CC2D2A: variants seen among roughly 807,000 people sequenced by gnomAD.
CC2D2A encodes the protein coiled-coil and C2 domain-containing protein 2A.
In CC2D2A, 155 loss-of-function variants were observed where a neutral mutation model predicts 212.9. That is an observed-to-expected ratio of 0.73 (90% CI 0.64 to 0.83). CC2D2A has a LOEUF of 0.83. CC2D2A is among the 40% of genes least tolerant of loss of function. CC2D2A has a pLI of 0.00. For missense variants in CC2D2A, 1,856 were observed against 1,956.2 expected, an observed-to-expected ratio of 0.95 and a Z score of 0.97; for synonymous variants, 667 against 686.5, an observed-to-expected ratio of 0.97 and a Z score of 0.44.
In CC2D2A at chr4:15,556,332, C is replaced by T. The variant is rs550059009; in HGVS notation, c.2626-972C>T. 3.5e-4 allele frequency among the ~76,000 whole-genome samples: 53 copies of T among 152,230 alleles called. 1 individual carries two copies. The South Asian group carries it at 0.011, about 32-fold the overall frequency. On this transcript the variant is annotated intron_variant, in intron 20 of 36. Transcript: ENST00000424120. ...TTTTGGTTCTAGTTTTTCCAAGTCC[C>T]ATAACAAACCTTGGTTTATTCTGAC...
At chr4:15,480,352 A>G (rs1861048) in intron 3 of CC2D2A, among the ~76,000 whole-genome samples, 78,875 of 152,046 alleles carry the variant, frequency 0.52, 21,171 homozygotes, top group African/African-American at 0.66. Flanking sequence ...ATTACCCAGT[A>G]ACACTTTAGC....
chr4:15,486,823 C>G (rs994167181), intron 4 of CC2D2A, among the ~76,000 whole-genome samples: 13 of 151,852 alleles, frequency 8.6e-5, no homozygotes, highest in African/African-American at 3.1e-4. Context: ...TTTTGCTATA[C>G]CCTATAGGTT....
chr4:15,490,829 G>A (rs1348344449), intron 4 of CC2D2A, among the ~76,000 whole-genome samples: 3 of 151,946 alleles, frequency 2.0e-5, no homozygotes, highest in East Asian at 1.9e-4. Context: ...TGACCTAATT[G>A]GTTATTTTCA....
Position 15,515,991 on chromosome 4 carries a change from T to A in CC2D2A, c.1004T>A (p.Leu335Gln). ...CAGAACATCATGGAGAACAGATTGC[T>A]GATGCAGGACCCCGTAAGTGTGCAC... ...TNQNIMENRL[L>Q]MQDPERRWFG... The change falls in exon 10 of 37, where the codon CTG becomes CAG. Residue 335 changes from leucine (L) to glutamine (Q), a missense_variant. This residue lies in a region of CC2D2A where 1,512 missense variants were observed against 1,579.3 expected (regional missense o/e 0.96). Coordinates refer to ENST00000424120, the MANE Select transcript of CC2D2A (RefSeq NM_001378615.1). 1 of 1,592,448 alleles carries A rather than the reference T, an allele frequency of 6.3e-7. No individual in the cohort carries two copies. The highest frequency in any genetic ancestry group is 1.2e-5 in the South Asian group (1 of 86,856).
intron 16 of CC2D2A, among the ~76,000 whole-genome samples, chr4:15,540,320 C>T (rs1718360757): frequency 6.6e-6 from 1 of 151,436 alleles, no homozygotes; most frequent in African/African-American, 2.4e-5. Flanking sequence ...TTCAAATTAT[C>T]TTTAAAAATA....
chr4:15,536,043 A>T (rs1718111929), intron 14 of CC2D2A, among the ~76,000 whole-genome samples: 1 of 152,180 alleles, frequency 6.6e-6, no homozygotes, highest in Non-Finnish European at 1.5e-5. Flanking sequence ...CTGGTGGTAC[A>T]TCTCACAGAA....
intron 4 of CC2D2A, among the ~76,000 whole-genome samples, chr4:15,490,695 T>C (rs1178804387): frequency 6.6e-6 from 1 of 152,088 alleles, no homozygotes; most frequent in African/African-American, 2.4e-5. Flanking sequence ...CTACCCCTCA[T>C]ATTGTCTTAT....
rs1284172272 is a variant in CC2D2A, at chr4:15,542,563, A to AGCCACATACTCAC, written c.2181+1549_2181+1550insGCCACATACTCAC. On this transcript the variant is annotated intron_variant, in intron 17 of 36. Coordinates refer to ENST00000424120, the MANE Select transcript of CC2D2A (RefSeq NM_001378615.1). ...ACAGTACTTCAGGTAGCCACTACCT[A>AGCCACATACTCAC]TTCCTAGTGAGTATGACTGACAAAG... is the stretch of plus-strand genomic sequence containing the variant. Among the ~76,000 whole-genome samples, 30 of 152,354 alleles carry AGCCACATACTCAC rather than the reference A, an allele frequency of 2.0e-4. No individual in the cohort carries two copies. The South Asian group carries it at 6.0e-3, about 31-fold the overall frequency.
intron 1 of CC2D2A, 42 bp from the exon 2 acceptor site, chr4:15,475,873 A>G: frequency 6.9e-7 from 1 of 1,440,336 alleles, no homozygotes; most frequent in Non-Finnish European, 9.6e-7. Flanking sequence ...GCAATATTTC[A>G]TTGATTTCAA....
At chr4:15,537,878 A>G (rs752986316) in intron 15 of CC2D2A, 21 bp from the exon 16 acceptor site, 2 of 1,571,958 alleles carry the variant, frequency 1.3e-6, no homozygotes, top group Admixed American at 3.8e-5. Flanking sequence ...GTTTGATATC[A>G]TGTTGCCTCT....
At chr4:15,490,798 T>C (rs1049272960) in intron 4 of CC2D2A, among the ~76,000 whole-genome samples, 55 of 152,188 alleles carry the variant, frequency 3.6e-4, no homozygotes, top group African/African-American at 1.3e-3. Flanking sequence ...ACCCTGGGCC[T>C]GGTAGTTAAA....
chr4:15,552,691 T>C (rs1719068301), intron 18 of CC2D2A, among the ~76,000 whole-genome samples: 1 of 152,246 alleles, frequency 6.6e-6, no homozygotes, highest in South Asian at 2.1e-4. Flanking sequence ...TCTCAGTTTT[T>C]AGAACAGGGA....
At chr4:15,502,216 C>T (rs1023112781) in intron 4 of CC2D2A, among the ~76,000 whole-genome samples, 11 of 152,202 alleles carry the variant, frequency 7.2e-5, no homozygotes, top group African/African-American at 2.7e-4. Context: ...AAAGCCAAGA[C>T]ATGTACTTAC....
At chr4:15,531,080 C>T (rs991152211) in intron 13 of CC2D2A, among the ~76,000 whole-genome samples, 6 of 152,188 alleles carry the variant, frequency 3.9e-5, no homozygotes, top group African/African-American at 7.2e-5. Flanking sequence ...CATCCAGCTA[C>T]TACTTTATCT....
At chr4:15,527,251 C>T (rs1291568433) in intron 11 of CC2D2A, among the ~76,000 whole-genome samples, 196 bp from the exon 12 acceptor site, 2 of 152,182 alleles carry the variant, frequency 1.3e-5, no homozygotes, top group African/African-American at 4.8e-5. Flanking sequence ...AACTCCCAGT[C>T]TTTCATTTTG....
At chr4:15,514,982 T>C (rs1716778851) in intron 9 of CC2D2A, 113 bp downstream of exon 9, 4 of 869,084 alleles carry the variant, frequency 4.6e-6, no homozygotes, top group Non-Finnish European at 3.4e-6. Context: ...CAGTTTCTAA[T>C]CTAACAATCA....
chr4:15,552,727 G>T (rs112167782), intron 18 of CC2D2A, among the ~76,000 whole-genome samples: 1 of 152,120 alleles, frequency 6.6e-6, no homozygotes, highest in Non-Finnish European at 1.5e-5. Context: ...CTTCTTTAGC[G>T]CTATCTTCAG....
chr4:15,532,010 C>G (rs779485081), intron 13 of CC2D2A, among the ~76,000 whole-genome samples: 2 of 152,074 alleles, frequency 1.3e-5, no homozygotes, highest in Non-Finnish European at 2.9e-5. Flanking sequence ...CTCCAAGCAA[C>G]CCAGTGCAGT....
intron 24 of CC2D2A, 127 bp downstream of exon 24, chr4:15,563,649 C>A (rs536473500): frequency 1.3e-5 from 13 of 976,634 alleles, no homozygotes; most frequent in East Asian, 2.6e-5. Flanking sequence ...AGGGTTCTTG[C>A]AAAGCCAAGG....
Sources: gnomAD v4.1 joint callset for allele counts (sites outside exome capture counted in the v4.1 genomes callset) on GRCh38, gnomAD v4.1.1 for gene constraint, gnomAD v4.1.1 regional missense constraint, MANE v1.5 for transcripts, NCBI Gene and HGNC (gene_info 2026-07-23, HGNC 2026-07-21) for gene names.